Variants in RELN observed in about 807,000 individuals in gnomAD.
RELN encodes reelin.
A neutral mutation model predicts 427.6 loss-of-function variants in RELN; 108 were observed. That is an observed-to-expected ratio of 0.25 (90% CI 0.22 to 0.30). The LOEUF (loss-of-function observed/expected upper bound fraction) is 0.30, where lower values mean the gene tolerates loss of function less well. Among genes scored for constraint, RELN ranks in the 10% least tolerant of loss-of-function variants. The pLI is 1.00. For synonymous variants in RELN, 1,524 were observed against 1,513.4 expected (o/e 1.01, Z -0.16); for missense variants, 3,715 against 4,302.8 (o/e 0.86, Z 3.82).
chr7:103,496,189 G>A (rs1584232568), intron 56 of RELN, among the ~76,000 whole-genome samples: 1 of 151,890 alleles, frequency 6.6e-6, no homozygotes, highest in Non-Finnish European at 1.5e-5. Flanking sequence ...GCACCGAAAA[G>A]TTCTTGATAC....
intron 3 of RELN, among the ~76,000 whole-genome samples, chr7:103,823,886 A>G (rs1378415969): frequency 2.7e-5 from 1 of 37,102 alleles, no homozygotes. Flanking sequence ...CTGCATTTTT[A>G]AAAAATTTAT....
chr7:103,531,515 C>T (rs1445869680), intron 46 of RELN, among the ~76,000 whole-genome samples: 1 of 152,112 alleles, frequency 6.6e-6, no homozygotes, highest in South Asian at 2.1e-4. Context: ...CACCAGCATC[C>T]GTTCAGTTTT....
chr7:103,590,921 T>G (rs1030436316), intron 27 of RELN, among the ~76,000 whole-genome samples: 1 of 152,208 alleles, frequency 6.6e-6, no homozygotes, highest in African/African-American at 2.4e-5. Context: ...TATACCTTTC[T>G]TCTTTGATTT....
chr7:103,750,025 G>A (rs1455256271), intron 5 of RELN, among the ~76,000 whole-genome samples: 1 of 152,122 alleles, frequency 6.6e-6, no homozygotes, highest in Admixed American at 6.5e-5. Context: ...TGTTGCCCAC[G>A]CTGCAGTGCA....
At position 103,565,402 on chromosome 7, in the gene RELN, G is replaced by C. The variant is rs558229472; in HGVS notation, c.5086C>G (p.Leu1696Val). 1.4e-5 allele frequency: 23 copies of C among 1,613,992 alleles called. No individual in the cohort carries two copies. Among genetic ancestry groups the C allele is most frequent in the Non-Finnish European group, 1.9e-5 (22 of 1,180,012 alleles). ...YSLNNGKDWH[L>V]VTEECVPPTI... ...GGAGGAACACACTCTTCGGTGACAA[G>C]ATGCCAGTCCTTGCCATTGTTCAGA... is the stretch of plus-strand genomic sequence containing the variant. Residue 1696 changes from leucine (L) to valine (V), a missense_variant, in exon 34 of 65, where the codon CTT (leucine) becomes GTT (valine). Around this residue, in one of 4 missense-constraint regions of RELN, gnomAD observed 2,208 missense variants for 2,361.7 expected, o/e 0.93. Transcript: ENST00000428762.
intron 6 of RELN, among the ~76,000 whole-genome samples, chr7:103,746,215 C>A (rs1467541968): frequency 1.3e-5 from 2 of 152,036 alleles, no homozygotes; most frequent in Admixed American, 1.3e-4. Flanking sequence ...GCTAGCCATA[C>A]ACAGAAAGCT....
At chr7:103,904,960 C>T (rs1444472889) in intron 2 of RELN, among the ~76,000 whole-genome samples, 1 of 147,074 alleles carries the variant, frequency 6.8e-6, no homozygotes, top group Non-Finnish European at 1.5e-5. Context: ...ACTGCCAATC[C>T]CTTGAAGTTC....
intron 12 of RELN, among the ~76,000 whole-genome samples, chr7:103,658,394 A>G (rs1833067387): frequency 6.6e-6 from 1 of 152,108 alleles, no homozygotes; most frequent in Non-Finnish European, 1.5e-5. Context: ...ATCTCATTCT[A>G]AATCTCTTTC....
At chr7:103,595,053 A>G (rs1831506758) in intron 25 of RELN, among the ~76,000 whole-genome samples, 1 of 152,208 alleles carries the variant, frequency 6.6e-6, no homozygotes, top group Non-Finnish European at 1.5e-5. Flanking sequence ...ACATTACATC[A>G]TAAGTACATT....
At chr7:103,898,707 G>A (rs1430815829) in intron 2 of RELN, among the ~76,000 whole-genome samples, 3 of 149,194 alleles carry the variant, frequency 2.0e-5, no homozygotes, top group Non-Finnish European at 2.9e-5. Flanking sequence ...CACATATATT[G>A]AACATTTGTA....
At chr7:103,800,709 C>T (rs964465092) in intron 3 of RELN, among the ~76,000 whole-genome samples, 4 of 152,170 alleles carry the variant, frequency 2.6e-5, no homozygotes, top group Admixed American at 2.6e-4. Flanking sequence ...GCAATGGCAA[C>T]AAAAGCCAAA....
At chr7:103,916,015 T>C (rs189673747) in intron 2 of RELN, among the ~76,000 whole-genome samples, 73 of 152,288 alleles carry the variant, frequency 4.8e-4, no homozygotes, top group African/African-American at 1.7e-3. Context: ...AAATCTAACC[T>C]GGGATCTTTT....
chr7:103,968,695 A>C lies in RELN; in HGVS notation c.226+20436T>G, dbSNP rs1336884820. Among the ~76,000 whole-genome samples the C allele has an allele frequency of 6.6e-6, 1 of 152,206 alleles. No individual in the cohort carries two copies. Among genetic ancestry groups the C allele is most frequent in the Non-Finnish European group, 1.5e-5 (1 of 68,036 alleles). ...AAAGAAAAGAGGCATTAGATTATTA[A>C]GAACCAGTTAGAAAAGGTGAAAATA... is the stretch of plus-strand genomic sequence containing the variant. On this transcript the variant is annotated intron_variant, in intron 1 of 64. Coordinates refer to ENST00000428762, the MANE Select transcript of RELN (RefSeq NM_005045.4). The surrounding 1 kb of genome is among the most constrained non-coding windows in gnomAD (Gnocchi z 4.3).
chr7:103,518,233 T>A (rs80339723), intron 49 of RELN, among the ~76,000 whole-genome samples: 1 of 152,136 alleles, frequency 6.6e-6, no homozygotes, highest in African/African-American at 2.4e-5. Context: ...AACTGATATA[T>A]TGAATTTAAA....
intron 12 of RELN, among the ~76,000 whole-genome samples, chr7:103,660,472 T>C (rs1367964139): frequency 1.3e-5 from 2 of 152,170 alleles, no homozygotes; most frequent in African/African-American, 4.8e-5. Context: ...GGTAATATGC[T>C]TGAGAGCATG....
At chr7:103,567,236 C>T (rs953254310) in intron 31 of RELN, among the ~76,000 whole-genome samples, 3 of 152,324 alleles carry the variant, frequency 2.0e-5, no homozygotes, top group East Asian at 1.9e-4. Flanking sequence ...ACTTGCACTT[C>T]GCACTTTGTC....
chr7:103,578,427 T>C (rs1831052238), intron 28 of RELN, among the ~76,000 whole-genome samples: 1 of 152,212 alleles, frequency 6.6e-6, no homozygotes, highest in South Asian at 2.1e-4. Context: ...GAAGACTGTA[T>C]TTCAGAGTGA....
At chr7:103,816,972 C>CTCCCAAGTAGCTGGGACTG (rs1462644371) in intron 3 of RELN, among the ~76,000 whole-genome samples, 2 of 152,140 alleles carry the variant, frequency 1.3e-5, no homozygotes, top group African/African-American at 4.8e-5. Context: ...CTGCCCCAGC[C>CTCCCAAGTAGCTGGGACTG]TCCCAAGTAG....
At chr7:103,958,741 T>G (rs1378911276) in intron 1 of RELN, among the ~76,000 whole-genome samples, 1 of 152,118 alleles carries the variant, frequency 6.6e-6, no homozygotes, top group Non-Finnish European at 1.5e-5. Flanking sequence ...GAGATTAAAG[T>G]ATTTTAGCTT....
Sources: gnomAD v4.1 joint callset for allele counts (sites outside exome capture counted in the v4.1 genomes callset) on GRCh38, gnomAD v4.1.1 for gene constraint, gnomAD v4.1.1 regional missense constraint, Gnocchi (gnomAD v3.1) non-coding constraint, MANE v1.5 for transcripts, NCBI Gene and HGNC (gene_info 2026-07-23, HGNC 2026-07-21) for gene names.